Variants in GYPC observed in about 807,000 individuals in gnomAD.
The protein encoded by GYPC is glycophorin C (Gerbich blood group).
A neutral mutation model predicts 12.6 loss-of-function variants in GYPC; 14 were observed. The ratio of observed to expected loss-of-function variants is 1.11; its 90% CI spans 0.74 to 1.74. The LOEUF is 1.74. GYPC is among the 40% of genes most tolerant of loss of function. The pLI is 0.00. For synonymous variants in GYPC, 78 were observed against 62.1 expected (o/e 1.26, Z -1.20); for missense variants, 225 against 172.1 (o/e 1.31, Z -1.72).
intron 1 of GYPC, among the ~76,000 whole-genome samples, chr2:126,677,145 C>T (rs1269336272): frequency 1.3e-5 from 2 of 152,022 alleles, no homozygotes; most frequent in Admixed American, 1.3e-4. Flanking sequence ...TTTGTGTGTG[C>T]ACCTGTCTGT....
intron 1 of GYPC, among the ~76,000 whole-genome samples, chr2:126,671,074 G>A (rs1400095839): frequency 6.6e-6 from 1 of 152,138 alleles, no homozygotes; most frequent in Non-Finnish European, 1.5e-5. Flanking sequence ...AGCCATGGAA[G>A]AAAAATCCAC....
At chr2:126,662,948 C>G (rs1364129597) in intron 1 of GYPC, among the ~76,000 whole-genome samples, 1 of 152,206 alleles carries the variant, frequency 6.6e-6, no homozygotes, top group Admixed American at 6.5e-5. Context: ...AAGTCATACC[C>G]AATGACAGGG....
intron 3 of GYPC, among the ~76,000 whole-genome samples, chr2:126,695,364 G>T (rs1332696258): frequency 6.6e-6 from 1 of 152,160 alleles, no homozygotes; most frequent in South Asian, 2.1e-4. Flanking sequence ...GAAAAGGGAG[G>T]GAAGGAAGGA....
rs1178509900 is a variant in GYPC at position 126,677,548 on chromosome 2, A to T, written c.50-12707A>T. 2.8e-5 allele frequency among the ~76,000 whole-genome samples: 4 copies of T among 144,584 alleles called. No individual in the cohort carries two copies. In the East Asian group the frequency reaches 8.2e-4, roughly 30 times the overall value. The allele number at this position is 144,584 out of a possible 152,430, so 94.9% of individuals were successfully genotyped here. The stretch of plus-strand genomic sequence containing the variant: ...GTGTGTGTGAGTCTGTGTGTATGTG[A>T]GTGTGTGTATGTGAGTGTATGTGTG... On this transcript the variant is annotated intron_variant, in intron 1 of 3. Coordinates refer to ENST00000259254, the MANE Select transcript of GYPC (RefSeq NM_002101.5).
chr2:126,696,483 G>C lies in GYPC; in HGVS notation c.*341G>C, dbSNP rs1033311527. 5.4e-6 allele frequency: 2 copies of C among 370,062 alleles called. No homozygotes were observed. Among genetic ancestry groups the C allele is most frequent in the Admixed American group, 3.9e-5 (1 of 25,948 alleles). The allele number at this position is 370,062 out of a possible 1,614,324, so 22.9% of individuals were successfully genotyped here. A position where few individuals can be genotyped will look rare whatever the true frequency, so the allele number is the denominator to read the frequency against. ...GAAAGTCCTTGTTGAGGGTGAGGGG[G>C]TGCTGGGGTACCCGGGGGCTGGGGA... On this transcript the variant is annotated 3_prime_UTR_variant, in exon 4 of 4. Transcript: ENST00000259254.
chr2:126,676,094 G>A (rs989969713), intron 1 of GYPC, among the ~76,000 whole-genome samples: 6 of 152,202 alleles, frequency 3.9e-5, no homozygotes. Context: ...CTCTAATCCT[G>A]ATTGAAGAAA....
chr2:126,666,737 A>G, intron 1 of GYPC, among the ~76,000 whole-genome samples: 1 of 148,846 alleles, frequency 6.7e-6, no homozygotes, highest in Admixed American at 6.7e-5. Flanking sequence ...ACACACACAC[A>G]CACACACACA....
intron 1 of GYPC, among the ~76,000 whole-genome samples, chr2:126,669,261 G>T (rs552290973): frequency 1.0e-3 from 156 of 152,272 alleles, no homozygotes; most frequent in Non-Finnish European, 2.1e-3. Flanking sequence ...CACTACGTGC[G>T]CAGTGTTGCC....
chr2:126,659,752 G>C (rs1456856585), intron 1 of GYPC, among the ~76,000 whole-genome samples: 2 of 151,774 alleles, frequency 1.3e-5, no homozygotes, highest in East Asian at 3.9e-4. Context: ...TGCTATGATA[G>C]GCATTTTCTT....
intron 1 of GYPC, chr2:126,686,789 AC>A: frequency 2.5e-6 from 2 of 789,426 alleles, no homozygotes; most frequent in Non-Finnish European, 3.1e-6. Context: ...TATTTCTGAT[AC>A]CAGACCCAAG....
chr2:126,668,659 T>G (rs1207677506), intron 1 of GYPC, among the ~76,000 whole-genome samples: 3 of 152,356 alleles, frequency 2.0e-5, no homozygotes, highest in East Asian at 3.9e-4. Context: ...AAAAAGAGAC[T>G]GGATACAAAA....
At chr2:126,691,315 A>G (rs1010135533) in intron 2 of GYPC, among the ~76,000 whole-genome samples, 4 of 152,074 alleles carry the variant, frequency 2.6e-5, no homozygotes, top group Non-Finnish European at 4.4e-5. Flanking sequence ...GTCCTGAGTG[A>G]TCTGACCCCT....
At chr2:126,677,506 A>AGTGTGTGTGAGTCTGT (rs146057574) in intron 1 of GYPC, among the ~76,000 whole-genome samples, 4,783 of 136,772 alleles carry the variant, frequency 0.035, 247 homozygotes, top group African/African-American at 0.13. Flanking sequence ...TGTGTATGAG[A>AGTGTGTGTGAGTCTGT]GTGTGTGTGA....
chr2:126,676,434 A>T (rs759609734), intron 1 of GYPC, among the ~76,000 whole-genome samples: 1 of 152,202 alleles, frequency 6.6e-6, no homozygotes, highest in Non-Finnish European at 1.5e-5. Flanking sequence ...CAACCACATC[A>T]ACTACAAAAT....
intron 1 of GYPC, among the ~76,000 whole-genome samples, chr2:126,666,347 TACA>T (rs1331502712): frequency 1.3e-5 from 2 of 152,336 alleles, no homozygotes; most frequent in East Asian, 1.9e-4. Context: ...TGTGTTAAAG[TACA>T]ACAAGCCAGC....
At chr2:126,686,749 T>C (rs1289955754) in intron 1 of GYPC, 2 of 942,798 alleles carry the variant, frequency 2.1e-6, no homozygotes, top group Non-Finnish European at 1.3e-6. Flanking sequence ...TCCTCTCATG[T>C]CTGTCCAATC....
intron 1 of GYPC, among the ~76,000 whole-genome samples, chr2:126,671,365 C>T (rs985283275): frequency 3.9e-5 from 6 of 152,214 alleles, no homozygotes; most frequent in Admixed American, 6.5e-5. Flanking sequence ...TCCCTGAGCC[C>T]GACAGCCAGG....
In GYPC at chr2:126,674,094, T is replaced by A. The variant is rs184083970; in HGVS notation, c.50-16161T>A. Among the ~76,000 whole-genome samples the A allele has an allele frequency of 3.2e-3, 494 of 152,294 alleles. 4 individuals carry two copies. Among genetic ancestry groups the A allele is most frequent in the African/African-American group, 0.011 (474 of 41,566 alleles). On this transcript the variant is annotated intron_variant, in intron 1 of 3. Coordinates refer to ENST00000259254, the MANE Select transcript of GYPC (RefSeq NM_002101.5). ...GTATGTGGCTGTGTCTGAGTGTGCC[T>A]GGGCATTGTATTATAATATTTCTTC...
chr2:126,672,109 G>A (rs1430749765), intron 1 of GYPC, among the ~76,000 whole-genome samples: 1 of 152,160 alleles, frequency 6.6e-6, no homozygotes, highest in Non-Finnish European at 1.5e-5. Context: ...AGAGATGCAG[G>A]TGGACAGGTG....
Sources: allele counts gnomAD v4.1 joint callset (sites outside exome capture counted in the v4.1 genomes callset), GRCh38; gene constraint gnomAD v4.1.1; transcripts MANE v1.5; gene names NCBI Gene and HGNC (gene_info 2026-07-23, HGNC 2026-07-21).